The following CMAS variants were observed in gnomAD, a reference collection of about 807,000 sequenced individuals.
CMAS encodes cytidine monophosphate N-acetylneuraminic acid synthetase, also known as N-acylneuraminate cytidylyltransferase.
In CMAS, 21 loss-of-function variants were observed where a neutral mutation model predicts 53.4. The ratio of observed to expected loss-of-function variants is 0.39; its 90% confidence interval spans 0.28 to 0.57. CMAS has a LOEUF of 0.57. Among genes scored for constraint, CMAS ranks in the 20% least tolerant of loss-of-function variants. The pLI, the probability that CMAS is intolerant of heterozygous loss-of-function variation, is 0.56. For synonymous variants in CMAS, 189 were observed against 195.2 expected, an observed-to-expected ratio of 0.97 and a Z score of 0.27; for missense variants, 384 against 534.9, an observed-to-expected ratio of 0.72 and a Z score of 2.78.
chr12:22,059,153 T>A (rs940837094), intron 4 of CMAS, among the ~76,000 whole-genome samples: 1,889 of 114,526 alleles, frequency 0.016, 19 homozygotes, highest in African/African-American at 0.043. Flanking sequence ...TATATATTTT[T>A]TTTTTTTTTT....
At chr12:22,057,889 G>A (rs1358724059) in intron 3 of CMAS, among the ~76,000 whole-genome samples, 5 of 150,394 alleles carry the variant, frequency 3.3e-5, no homozygotes, top group South Asian at 2.1e-4. Context: ...GTACAGTGGC[G>A]CAATCTCGGC....
At chr12:22,060,750 C>T (rs990171113) in intron 4 of CMAS, 82 bp from the exon 5 acceptor site, 2 of 779,794 alleles carry the variant, frequency 2.6e-6, no homozygotes, top group Non-Finnish European at 4.5e-6. Flanking sequence ...GAAATGAATT[C>T]ATTGTTCTGT....
chr12:22,054,098 TGTA>T (rs200031666), intron 1 of CMAS, among the ~76,000 whole-genome samples: 1,588 of 151,864 alleles, frequency 0.01, 30 homozygotes, highest in African/African-American at 0.037. Flanking sequence ...AGCTAATTTT[TGTA>T]TGTTTAGTAG....
Position 22,062,264 on chromosome 12 carries a change from T to A in CMAS, c.961-17T>A. 1 of 1,057,792 alleles carries A rather than the reference T, an allele frequency of 9.5e-7. No individual in the cohort carries two copies. Among genetic ancestry groups the A allele is most frequent in the Non-Finnish European group, 1.2e-6 (1 of 846,482 alleles). The allele number at this position is 1,057,792 out of a possible 1,614,324, so 65.5% of individuals were successfully genotyped here. A position where few individuals can be genotyped will look rare whatever the true frequency, so the allele number is the denominator to read the frequency against. ...TTTTCCCTTCTTCCTCCAATCCTTT[T>A]TTTTTTTTTTTTTAAGGTGAGGCTA... is the stretch of plus-strand genomic sequence containing the variant. On this transcript the variant is annotated splice_polypyrimidine_tract_variant and intron_variant, in intron 6 of 7. Coordinates refer to ENST00000229329, the MANE Select transcript of CMAS (RefSeq NM_018686.6).
chr12:22,061,555 A>C, intron 6 of CMAS, 103 bp downstream of exon 6: 1 of 744,904 alleles, frequency 1.3e-6, no homozygotes, highest in Non-Finnish European at 2.0e-6. Context: ...TAACTCTTAA[A>C]ATATCTGAAA....
At chr12:22,062,055 T>TGTG (rs1950311566) in intron 6 of CMAS, among the ~76,000 whole-genome samples, 1 of 152,168 alleles carries the variant, frequency 6.6e-6, no homozygotes, top group African/African-American at 2.4e-5. Context: ...AATAAAATAC[T>TGTG]GTGTCTCACC....
chr12:22,048,521 G>A (rs1049661020), intron 1 of CMAS, among the ~76,000 whole-genome samples: 1 of 152,142 alleles, frequency 6.6e-6, no homozygotes, highest in South Asian at 2.1e-4. Context: ...TCCTGAAGAG[G>A]CTCAAAGCTG....
In CMAS at chr12:22,062,377, G is replaced by T; in HGVS notation, c.1057G>T (p.Val353Phe). Residue 353 changes from valine (V) to phenylalanine (F), a missense_variant, in exon 7 of 8, where the codon GTT (valine) becomes TTT (phenylalanine). Physicochemically the swap from Val to Phe is conservative, Grantham distance 50. Coordinates refer to ENST00000229329, the MANE Select transcript of CMAS (RefSeq NM_018686.6). ...MEVSVSDKLA[V>F]VDEWRKEMGL... Reference sequence around the variant, plus strand: ...AGTCAGTGTATCAGACAAGCTAGCAGTTGTAGATGAATGGAGAAAAGAAAT... The same window carrying T: ...AGTCAGTGTATCAGACAAGCTAGCATTTGTAGATGAATGGAGAAAAGAAAT... The T allele has an allele frequency of 6.2e-7, 1 of 1,613,484 alleles. No individual in the cohort carries two copies.
chr12:22,055,881 T>A (rs1295225837), intron 3 of CMAS, among the ~76,000 whole-genome samples: 1 of 152,202 alleles, frequency 6.6e-6, no homozygotes, highest in Non-Finnish European at 1.5e-5. Flanking sequence ...ATATGCTGTT[T>A]TTCTAGATCA....
At chr12:22,049,681 G>A (rs753841732) in intron 1 of CMAS, among the ~76,000 whole-genome samples, 6 of 152,176 alleles carry the variant, frequency 3.9e-5, no homozygotes, top group Non-Finnish European at 8.8e-5. Context: ...GGAGGCCGAA[G>A]GCAGGCGGAG....
rs1014548857 is a variant in CMAS, at chr12:22,046,579, A to G, written c.260+16A>G. ...CCTTCCAGAGGTGCGCATGTGCGAG[A>G]GTGGGCGGCGCGGCCTGGGCGGGGG... On this transcript the variant is annotated intron_variant, in intron 1 of 7. Transcript: ENST00000229329. 1 of 1,518,420 alleles carries G rather than the reference A, an allele frequency of 6.6e-7. No homozygotes were observed. The highest frequency in any genetic ancestry group is 8.8e-7 in the Non-Finnish European group (1 of 1,131,826). The allele number at this position is 1,518,420 out of a possible 1,614,324, so 94.1% of individuals were successfully genotyped here. A position where few individuals can be genotyped will look rare whatever the true frequency, so the allele number is the denominator to read the frequency against.
chr12:22,065,202 A>G lies in CMAS; in HGVS notation c.1196A>G (p.Lys399Arg). Reference sequence around the variant, plus strand: ...GCTGATGCCTGTTCTACTGCCCAGAAGGCTGTTGGATACATTTGCAAATGT... The same window carrying G: ...GCTGATGCCTGTTCTACTGCCCAGAGGGCTGTTGGATACATTTGCAAATGT... The part of the protein sequence containing the change: ...APADACSTAQ[K>R]AVGYICKCNG... Residue 399 changes from lysine to arginine, a missense_variant, in exon 8 of 8, where the codon AAG (lysine) becomes AGG (arginine). Transcript: ENST00000229329. The G allele has an allele frequency of 1.9e-6, 3 of 1,614,140 alleles. No individual in the cohort carries two copies. Among genetic ancestry groups the G allele is most frequent in the Non-Finnish European group, 2.5e-6 (3 of 1,179,988 alleles).
At chr12:22,054,008 C>G (rs1263231451) in intron 1 of CMAS, among the ~76,000 whole-genome samples, 4 of 151,492 alleles carry the variant, frequency 2.6e-5, no homozygotes, top group East Asian at 2.0e-4. Context: ...CTCACTGCAA[C>G]CTCTGCCTCC....
intron 6 of CMAS, among the ~76,000 whole-genome samples, chr12:22,061,949 C>T (rs1950310819): frequency 6.6e-6 from 1 of 151,986 alleles, no homozygotes; most frequent in Non-Finnish European, 1.5e-5. Flanking sequence ...ATAGACTTTC[C>T]TCTGGATAAA....
At chr12:22,054,721 G>T (rs933676319) in intron 1 of CMAS, among the ~76,000 whole-genome samples, 2 of 151,704 alleles carry the variant, frequency 1.3e-5, no homozygotes, top group African/African-American at 4.8e-5. Context: ...TTGACTTCTA[G>T]TGCCTTTTTA....
intron 1 of CMAS, among the ~76,000 whole-genome samples, chr12:22,049,536 G>A (rs1233060787): frequency 1.3e-5 from 2 of 152,136 alleles, no homozygotes; most frequent in African/African-American, 4.8e-5. Context: ...TTCTAGACTA[G>A]AGTGTAAACT....
chr12:22,057,446 G>C (rs6487268), intron 3 of CMAS, among the ~76,000 whole-genome samples: 75,489 of 151,884 alleles, frequency 0.5, 20,635 homozygotes, highest in East Asian at 0.87. Flanking sequence ...TTAACTAATG[G>C]TAAGAATGTA....
intron 1 of CMAS, among the ~76,000 whole-genome samples, chr12:22,048,027 T>G (rs1332604918): frequency 6.6e-6 from 1 of 152,156 alleles, no homozygotes; most frequent in Non-Finnish European, 1.5e-5. Context: ...CTGTTCAAAC[T>G]GGCATAACAA....
At chr12:22,064,608 TA>T (rs918025688) in intron 7 of CMAS, among the ~76,000 whole-genome samples, 1 of 152,106 alleles carries the variant, frequency 6.6e-6, no homozygotes, top group African/African-American at 2.4e-5. Context: ...TTCTGTCAGA[TA>T]AAAAATTATA....
Sources: allele counts gnomAD v4.1 joint callset (sites outside exome capture counted in the v4.1 genomes callset), GRCh38; gene constraint gnomAD v4.1.1; transcripts MANE v1.5; gene names NCBI Gene and HGNC (gene_info 2026-07-23, HGNC 2026-07-21).